The following DNAH10 variants were observed in gnomAD, a reference collection of about 807,000 sequenced individuals.
DNAH10 encodes the protein axonemal beta dynein heavy chain 10.
A neutral mutation model predicts 506.6 loss-of-function variants in DNAH10; 348 were observed. The observed-to-expected ratio is 0.69, with a 90% CI of 0.63 to 0.75. The LOEUF (loss-of-function observed/expected upper bound fraction) is 0.75, where lower values mean the gene tolerates loss of function less well. DNAH10 is among the 30% of genes least tolerant of loss of function. The probability of loss-of-function intolerance (pLI) is 0.00; values close to 1 mark genes in which losing one functional copy is unlikely to be tolerated. For synonymous variants in DNAH10, 2,059 were observed against 2,198.6 expected (o/e 0.94, Z 1.78); for missense variants, 5,179 against 5,787.1 (o/e 0.89, Z 3.41).
intron 6 of DNAH10, among the ~76,000 whole-genome samples, chr12:123,782,248 T>G (rs942649576): frequency 6.6e-6 from 1 of 151,730 alleles, no homozygotes; most frequent in Non-Finnish European, 1.5e-5. Context: ...TGTTCTTGTT[T>G]GATGGATGCT....
chr12:123,766,426 A>T (rs1452709783), intron 1 of DNAH10, among the ~76,000 whole-genome samples: 1 of 152,190 alleles, frequency 6.6e-6, no homozygotes, highest in Admixed American at 6.5e-5. Context: ...CATACTATAT[A>T]TACATATTAT....
chr12:123,918,462 G>A (rs531094904), intron 64 of DNAH10, among the ~76,000 whole-genome samples: 2 of 152,356 alleles, frequency 1.3e-5, no homozygotes, highest in South Asian at 4.1e-4. Flanking sequence ...TACAAGCAGT[G>A]TTACTAGGGG....
chr12:123,799,020 G>A (rs1387612582), intron 13 of DNAH10, among the ~76,000 whole-genome samples: 3 of 148,012 alleles, frequency 2.0e-5, no homozygotes, highest in African/African-American at 7.4e-5. Context: ...CAGGAGAATC[G>A]CTTGAGCCCG....
At chr12:123,818,389 T>C (rs1959181629) in intron 21 of DNAH10, among the ~76,000 whole-genome samples, 1 of 152,052 alleles carries the variant, frequency 6.6e-6, no homozygotes, top group African/African-American at 2.4e-5. Flanking sequence ...AGTGGTGTGA[T>C]CTCGACTCAC....
intron 58 of DNAH10, 34 bp from the exon 59 acceptor site, chr12:123,910,502 C>A: frequency 6.2e-7 from 1 of 1,600,860 alleles, no homozygotes; most frequent in Non-Finnish European, 8.5e-7. Context: ...ATGAAGCTTG[C>A]CACTCATAAA....
At chr12:123,792,708 G>C (rs1253701541) in intron 11 of DNAH10, among the ~76,000 whole-genome samples, 1 of 152,134 alleles carries the variant, frequency 6.6e-6, no homozygotes, top group Non-Finnish European at 1.5e-5. Flanking sequence ...TGATCCGCCT[G>C]CCTCAGCCTC....
chr12:123,771,537 G>A (rs776857373), intron 2 of DNAH10, 64 bp from the exon 3 acceptor site: 38 of 1,373,600 alleles, frequency 2.8e-5, no homozygotes, highest in Non-Finnish European at 3.6e-5. Context: ...ATGCAGGGCT[G>A]CTCTTGATGG....
intron 77 of DNAH10, 91 bp downstream of exon 77, chr12:123,933,602 G>A: frequency 4.3e-6 from 6 of 1,409,108 alleles, no homozygotes; most frequent in Non-Finnish European, 4.8e-6. Flanking sequence ...CATAGCGTGG[G>A]CCTAAATGGG....
intron 30 of DNAH10, among the ~76,000 whole-genome samples, chr12:123,845,370 C>G (rs561600884): frequency 1.2e-3 from 189 of 152,276 alleles, no homozygotes; most frequent in Admixed American, 3.1e-3. Context: ...TGGAGAGAGG[C>G]ACCCTCGGCC....
In DNAH10 at chr12:123,909,417, C is replaced by T. The variant is rs777573446; in HGVS notation, c.9972C>T (p.Thr3324=). The T allele has an allele frequency of 2.5e-6, 4 of 1,603,194 alleles. No individual in the cohort carries two copies. The Admixed American group carries it at 6.8e-5, about 27-fold the overall frequency. Residue 3324 remains threonine, a synonymous_variant, in exon 58 of 79, where the codon ACC becomes ACT. Coordinates refer to ENST00000673944, the MANE Select transcript of DNAH10 (RefSeq NM_001372106.1). The surrounding 1 kb of genome is among the most constrained non-coding windows in gnomAD (Gnocchi z 5.4). ...TGGAGATTGATTTTGATTCGATTAC[C>T]CAGAGCCAAGTGAAAAACATCAAAG... ...SLMEIDFDSI[T]QSQVKNIKGL...
intron 11 of DNAH10, among the ~76,000 whole-genome samples, chr12:123,792,753 A>AC (rs1482625592): frequency 6.6e-6 from 1 of 151,934 alleles, no homozygotes; most frequent in Non-Finnish European, 1.5e-5. Flanking sequence ...GAGCCACCAC[A>AC]CCCGGCCAGC....
At chr12:123,771,235 G>A (rs879555616) in intron 2 of DNAH10, among the ~76,000 whole-genome samples, 7 of 152,182 alleles carry the variant, frequency 4.6e-5, no homozygotes, top group Non-Finnish European at 8.8e-5. Context: ...TTCCCAAAGT[G>A]CTGGGATTAT....
intron 5 of DNAH10, among the ~76,000 whole-genome samples, chr12:123,779,493 C>G (rs1416839234): frequency 6.6e-6 from 1 of 152,144 alleles, no homozygotes; most frequent in Non-Finnish European, 1.5e-5. Context: ...ACGGGATCAT[C>G]TAGCAGTAGC....
At chr12:123,831,495 G>C (rs1228353943) in intron 26 of DNAH10, among the ~76,000 whole-genome samples, 1 of 152,140 alleles carries the variant, frequency 6.6e-6, no homozygotes, top group East Asian at 1.9e-4. Flanking sequence ...TAGGCTATTG[G>C]GTAGAATCTA....
Position 123,893,450 on chromosome 12 carries a change from A to G in DNAH10, c.9199+14A>G, listed in dbSNP as rs1026230014. ...GAAACTTCCCAGGTACCCGCGGTGG[A>G]GCCTGTGAACCCATTTCCCCTGCTT... On this transcript the variant is annotated intron_variant, in intron 53 of 78. Transcript: ENST00000673944. The G allele has an allele frequency of 6.2e-7, 1 of 1,611,684 alleles. No homozygotes were observed. Among genetic ancestry groups the G allele is most frequent in the Non-Finnish European group, 8.5e-7 (1 of 1,179,810 alleles).
At chr12:123,871,354 GT>G in intron 44 of DNAH10, 102 bp from the exon 45 acceptor site, 3 of 1,385,300 alleles carry the variant, frequency 2.2e-6, no homozygotes, top group Non-Finnish European at 2.9e-6. Context: ...CTTTGCTCCT[GT>G]TTTTTATGGG....
rs1392310049 is a variant in DNAH10 at position 123,897,985 on chromosome 12, G to T, written c.9478+18G>T. On this transcript the variant is annotated intron_variant, in intron 55 of 78. Transcript: ENST00000673944. ...TAATATAGGTAAGCCTTGGGGATGG[G>T]GTGGTTGACAAAAGTCATTATTATT... 1.3e-6 allele frequency: 2 copies of T among 1,536,348 alleles called. No individual in the cohort carries two copies. The highest frequency in any genetic ancestry group is 1.3e-5 in the South Asian group (1 of 79,290).
At chr12:123,934,109 G>A (rs1955353886) in intron 77 of DNAH10, 1 of 614,728 alleles carries the variant, frequency 1.6e-6, no homozygotes, top group African/African-American at 1.8e-5. Context: ...CAGGGGAGGT[G>A]GCAGGTGTCC....
rs560347554 is a variant in DNAH10, at chr12:123,919,115, A to G, written c.11506+166A>G. The G allele has an allele frequency of 7.8e-6, 7 of 899,752 alleles. No homozygotes were observed. In the African/African-American group the frequency reaches 8.5e-5, roughly 11 times the overall value. 55.7% of individuals were successfully genotyped at this position (899,752 alleles called of 1,614,324 possible). A position where few individuals can be genotyped will look rare whatever the true frequency, so the allele number is the denominator to read the frequency against. On this transcript the variant is annotated intron_variant, in intron 65 of 78. Coordinates refer to ENST00000673944, the MANE Select transcript of DNAH10 (RefSeq NM_001372106.1). The surrounding 1 kb of genome is among the most constrained non-coding windows in gnomAD (Gnocchi z 4.9). Reference sequence around the variant, plus strand: ...TTTTGAGATAGGGTCTTGCTCCATCACCCAGGCTGGAATGCAGTGGTGCGA... The same window carrying G: ...TTTTGAGATAGGGTCTTGCTCCATCGCCCAGGCTGGAATGCAGTGGTGCGA...
Sources: gnomAD v4.1 joint callset for allele counts (sites outside exome capture counted in the v4.1 genomes callset) on GRCh38, gnomAD v4.1.1 for gene constraint, Gnocchi (gnomAD v3.1) non-coding constraint, MANE v1.5 for transcripts, NCBI Gene and HGNC (gene_info 2026-07-23, HGNC 2026-07-21) for gene names.